The following HEATR5B variants were observed in gnomAD, a reference collection of about 807,000 sequenced individuals.
HEATR5B encodes the protein HEAT repeat containing 5B, also known as HEAT repeat-containing protein 5B.
In HEATR5B, 156 loss-of-function variants were observed where a neutral mutation model predicts 224.1. The observed-to-expected ratio is 0.70, with a 90% CI of 0.61 to 0.80. The LOEUF (loss-of-function observed/expected upper bound fraction) is 0.80, where lower values mean the gene tolerates loss of function less well. Among genes scored for constraint, HEATR5B ranks in the 30% least tolerant of loss-of-function variants. The pLI, the probability that HEATR5B is intolerant of heterozygous loss-of-function variation, is 0.00. For missense variants in HEATR5B, 2,323 were observed against 2,535.5 expected (o/e 0.92, Z 1.80); for synonymous variants, 1,027 against 893.0 (o/e 1.15, Z -2.68).
intron 24 of HEATR5B, among the ~76,000 whole-genome samples, chr2:37,021,051 G>A (rs919838707): frequency 6.6e-5 from 10 of 151,976 alleles, no homozygotes; most frequent in African/African-American, 1.9e-4. Context: ...TGATGTTATA[G>A]GACTTACAAT....
At chr2:36,992,052 G>C (rs1326550265) in intron 33 of HEATR5B, among the ~76,000 whole-genome samples, 1 of 152,050 alleles carries the variant, frequency 6.6e-6, no homozygotes, top group Non-Finnish European at 1.5e-5. Flanking sequence ...ACAAAAATTA[G>C]CTGGGCATGG....
chr2:37,013,344 A>AT (rs11423863), intron 27 of HEATR5B, among the ~76,000 whole-genome samples: 27,852 of 152,176 alleles, frequency 0.18, 3,249 homozygotes, highest in East Asian at 0.53. Flanking sequence ...GTAATTATAT[A>AT]TTTTTTAAAG....
Position 37,059,621 on chromosome 2 carries a change from G to A in HEATR5B, c.1850-634C>T, listed in dbSNP as rs918502139. Among the ~76,000 whole-genome samples the A allele has an allele frequency of 6.0e-5, 9 of 151,236 alleles. No homozygotes were observed. The East Asian group carries it at 9.7e-4, about 16-fold the overall frequency. On this transcript the variant is annotated intron_variant, in intron 12 of 35. Transcript: ENST00000233099. The stretch of plus-strand genomic sequence containing the variant: ...TGGGACTACAGGCAAGCACCAGCAC[G>A]CCTGGCTAATTTTTGTATCTTTAGT...
intron 33 of HEATR5B, 69 bp from the exon 34 acceptor site, chr2:36,990,868 TAG>T (rs1170461403): frequency 5.3e-6 from 7 of 1,323,896 alleles, no homozygotes; most frequent in Non-Finnish European, 7.2e-6. Context: ...TTTATTTTTG[TAG>T]AGAGAGACGT....
intron 14 of HEATR5B, 107 bp downstream of exon 14, chr2:37,058,344 C>T: frequency 1.5e-6 from 1 of 652,648 alleles, no homozygotes; most frequent in Non-Finnish European, 2.8e-6. Context: ...AAATGGTGGC[C>T]TTCCTTTGCA....
chr2:36,996,599 A>AT (rs1666730684), intron 33 of HEATR5B, among the ~76,000 whole-genome samples: 3 of 150,620 alleles, frequency 2.0e-5, no homozygotes, highest in Admixed American at 6.6e-5. Context: ...GTATATATAT[A>AT]TATTTTTTTG....
Position 37,068,785 on chromosome 2 carries a change from G to C in HEATR5B, c.1073C>G (p.Ser358Cys), listed in dbSNP as rs540012012. 1.9e-5 allele frequency: 31 copies of C among 1,614,114 alleles called. No homozygotes were observed. In the Admixed American group the frequency reaches 3.2e-4, roughly 16 times the overall value. Residue 358 changes from serine (S) to cysteine (C), a missense_variant, in exon 8 of 36, where the codon TCC becomes TGC. Transcript: ENST00000233099. ...GCCCACAGTAGCTCTTAGGATAAAG[G>C]AAACACATCGTCTGGAGTACACAGC... ...VEAVYSRRCVSFILRATVGSL... is the reference protein window; with the variant it reads ...VEAVYSRRCVCFILRATVGSL...
intron 27 of HEATR5B, among the ~76,000 whole-genome samples, chr2:37,009,118 C>T (rs933451791): frequency 6.6e-6 from 1 of 151,744 alleles, no homozygotes; most frequent in African/African-American, 2.4e-5. Context: ...ATTAGCCGGG[C>T]ATGGTGGCAG....
intron 35 of HEATR5B, among the ~76,000 whole-genome samples, chr2:36,987,013 A>G (rs1164538324): frequency 6.6e-6 from 1 of 152,148 alleles, no homozygotes; most frequent in Non-Finnish European, 1.5e-5. Flanking sequence ...TTGGCCTCCC[A>G]AAGTGTTGGG....
At chr2:37,025,701 A>C (rs1668727132) in intron 24 of HEATR5B, among the ~76,000 whole-genome samples, 1 of 152,202 alleles carries the variant, frequency 6.6e-6, no homozygotes, top group African/African-American at 2.4e-5. Context: ...CTGAGAACTA[A>C]GGTAAAAGGA....
rs534104394 is a variant in HEATR5B, at chr2:37,016,223, T to C, written c.4105-2203A>G. Among the ~76,000 whole-genome samples the C allele has an allele frequency of 3.3e-5, 5 of 151,694 alleles. No homozygotes were observed. In the South Asian group the frequency reaches 1.0e-3, roughly 32 times the overall value. ...CGCCTCCCAGGTTCATGCCATTCTC[T>C]TGCCTCAGCCTCACAAGTAGCTGGG... is the stretch of plus-strand genomic sequence containing the variant. On this transcript the variant is annotated intron_variant, in intron 26 of 35. Transcript: ENST00000233099.
At chr2:37,074,283 A>G (rs1379838359) in intron 5 of HEATR5B, among the ~76,000 whole-genome samples, 2 of 150,342 alleles carry the variant, frequency 1.3e-5, no homozygotes, top group South Asian at 2.1e-4. Flanking sequence ...AGATCGCACC[A>G]CTGCACTCCA....
intron 5 of HEATR5B, among the ~76,000 whole-genome samples, chr2:37,074,426 T>G (rs1216974553): frequency 6.8e-6 from 1 of 147,362 alleles, no homozygotes; most frequent in Non-Finnish European, 1.5e-5. Flanking sequence ...AAAAATTAAC[T>G]CAAAATGGAT....
At chr2:37,077,968 G>A (rs187083402) in intron 3 of HEATR5B, among the ~76,000 whole-genome samples, 26 of 152,310 alleles carry the variant, frequency 1.7e-4, no homozygotes, top group African/African-American at 5.3e-4. Flanking sequence ...AATGACCCCA[G>A]TGTCACTTAG....
At chr2:37,053,055 G>T (rs1670660710) in intron 17 of HEATR5B, among the ~76,000 whole-genome samples, 1 of 152,072 alleles carries the variant, frequency 6.6e-6, no homozygotes, top group African/African-American at 2.4e-5. Flanking sequence ...GGTTAAAAAA[G>T]TTTAAAGAAA....
At chr2:37,005,601 C>G (rs767798528) in intron 30 of HEATR5B, 31 bp downstream of exon 30, 1 of 1,598,812 alleles carries the variant, frequency 6.3e-7, no homozygotes, top group South Asian at 1.1e-5. Context: ...AAAAAAACCA[C>G]ACAAGTATCT....
intron 33 of HEATR5B, among the ~76,000 whole-genome samples, chr2:36,995,478 A>G (rs1361697930): frequency 6.6e-6 from 1 of 152,194 alleles, no homozygotes; most frequent in Non-Finnish European, 1.5e-5. Flanking sequence ...ACAAAATACC[A>G]GCTCTTGATA....
chr2:37,079,107 A>G lies in HEATR5B; in HGVS notation c.338+13T>C, dbSNP rs373687702. On this transcript the variant is annotated intron_variant, in intron 3 of 35. Coordinates refer to ENST00000233099, the MANE Select transcript of HEATR5B (RefSeq NM_019024.3). ...ATAAAACTTCAAGGGCCCCTATTAA[A>G]GTAAGTACTTACAATTTTGTTGGTA... 6.6e-7 allele frequency: 1 copy of G among 1,512,430 alleles called. No individual in the cohort carries two copies. 93.7% of individuals were successfully genotyped at this position (1,512,430 alleles called of 1,614,324 possible). A position where few individuals can be genotyped will look rare whatever the true frequency, so the allele number is the denominator to read the frequency against.
chr2:37,037,861 G>A lies in HEATR5B; in HGVS notation c.3210C>T (p.Ser1070=). The A allele has an allele frequency of 6.5e-7, 1 of 1,539,530 alleles. No homozygotes were observed. The change falls in exon 21 of 36, where the codon AGC becomes AGT. Residue 1070 remains serine (S), a synonymous_variant. Transcript: ENST00000233099. ...RHVNLSSLVP[S]LCVHLCSSHL... is the part of the protein sequence containing the mutation. ...GAAATAGCTCTATACTTACACAAAG[G>A]CTAGGAACAAGGCTAGATAGATTGA...
Sources: gnomAD v4.1 joint callset for allele counts (sites outside exome capture counted in the v4.1 genomes callset) on GRCh38, gnomAD v4.1.1 for gene constraint, MANE v1.5 for transcripts, NCBI Gene and HGNC (gene_info 2026-07-23, HGNC 2026-07-21) for gene names.